LRP1B: variants seen among roughly 807,000 people sequenced by gnomAD.
LRP1B encodes the protein low-density lipoprotein receptor-related protein 1B.
Under a neutral mutation model 556.6 loss-of-function variants are expected in LRP1B, and 217 were observed. The ratio of observed to expected loss-of-function variants is 0.39; its 90% CI spans 0.35 to 0.44. LRP1B has a LOEUF of 0.44. LRP1B is among the 20% of genes least tolerant of loss of function. LRP1B has a pLI of 1.00. For missense variants in LRP1B, 5,053 were observed against 5,620.8 expected (o/e 0.90, Z 3.23); for synonymous variants, 2,047 against 1,865.8 (o/e 1.10, Z -2.50).
intron 7 of LRP1B, among the ~76,000 whole-genome samples, chr2:141,104,239 T>C (rs1408693887): frequency 1.3e-5 from 2 of 152,040 alleles, no homozygotes; most frequent in Admixed American, 6.6e-5. Context: ...TTATGGCATA[T>C]GTATCCCCTG....
At chr2:140,287,712 A>T (rs1266051332) in intron 84 of LRP1B, among the ~76,000 whole-genome samples, 1 of 151,380 alleles carries the variant, frequency 6.6e-6, no homozygotes, top group East Asian at 1.9e-4. Context: ...ATTACAGACT[A>T]AGTGGCTTCC....
chr2:141,858,320 A>G (rs769124404), intron 1 of LRP1B, among the ~76,000 whole-genome samples: 1 of 152,194 alleles, frequency 6.6e-6, no homozygotes, highest in Non-Finnish European at 1.5e-5. Flanking sequence ...TATAGAACCT[A>G]TTTATTAACA....
intron 3 of LRP1B, among the ~76,000 whole-genome samples, chr2:141,266,776 T>C (rs912827513): frequency 6.6e-6 from 1 of 152,224 alleles, no homozygotes; most frequent in East Asian, 1.9e-4. Context: ...AATTAAAATA[T>C]AGCTACAAGG....
chr2:140,449,912 G>A (rs1378438552), intron 63 of LRP1B, among the ~76,000 whole-genome samples: 2 of 152,142 alleles, frequency 1.3e-5, no homozygotes, highest in African/African-American at 4.8e-5. Flanking sequence ...GACCTATGGA[G>A]TGAAGTACAA....
At chr2:142,058,264 C>T (rs1704753705) in intron 1 of LRP1B, among the ~76,000 whole-genome samples, 1 of 152,088 alleles carries the variant, frequency 6.6e-6, no homozygotes, top group Admixed American at 6.6e-5. Flanking sequence ...CTGGGATTTG[C>T]ACTTAAAGTG....
intron 3 of LRP1B, among the ~76,000 whole-genome samples, chr2:141,287,957 T>C (rs1685783805): frequency 6.6e-6 from 1 of 152,180 alleles, no homozygotes; most frequent in South Asian, 2.1e-4. Context: ...ATCTCACATA[T>C]GTATATATAA....
chr2:140,581,529 G>A (rs1242331106), intron 43 of LRP1B, among the ~76,000 whole-genome samples: 1 of 149,514 alleles, frequency 6.7e-6, no homozygotes, highest in Non-Finnish European at 1.5e-5. Context: ...TCTGAACTGA[G>A]ATAAATGTCT....
At chr2:140,598,599 C>A (rs778818651) in intron 43 of LRP1B, 32 bp downstream of exon 43, 1 of 1,516,432 alleles carries the variant, frequency 6.6e-7, no homozygotes. Flanking sequence ...CATTGTATAA[C>A]TCTATAACCA....
intron 18 of LRP1B, among the ~76,000 whole-genome samples, chr2:140,964,187 C>T (rs964500922): frequency 6.6e-6 from 1 of 152,246 alleles, no homozygotes; most frequent in African/African-American, 2.4e-5. Context: ...ATTATTTCTG[C>T]ATATCAGGGA....
chr2:141,829,974 G>T (rs1195140410), intron 1 of LRP1B, among the ~76,000 whole-genome samples: 1 of 151,846 alleles, frequency 6.6e-6, no homozygotes, highest in African/African-American at 2.4e-5. Context: ...ATGTTGGGAA[G>T]TGTGTGGAAA....
chr2:141,530,694 A>G (rs887532636), intron 2 of LRP1B, among the ~76,000 whole-genome samples: 2 of 152,136 alleles, frequency 1.3e-5, no homozygotes, highest in Non-Finnish European at 2.9e-5. Flanking sequence ...AGATTATCAG[A>G]AAATGATCTG....
intron 4 of LRP1B, among the ~76,000 whole-genome samples, chr2:141,250,045 G>A (rs1010107658): frequency 6.6e-6 from 1 of 152,132 alleles, no homozygotes; most frequent in Admixed American, 6.6e-5. Context: ...AAAATGAAGA[G>A]GGGAGCAAAA....
intron 3 of LRP1B, among the ~76,000 whole-genome samples, chr2:141,408,065 T>G (rs1690704922): frequency 6.6e-6 from 1 of 152,058 alleles, no homozygotes; most frequent in African/African-American, 2.4e-5. Context: ...TCTTTACATC[T>G]GCACAACCTT....
rs2105089816 is a variant in LRP1B at position 141,480,419 on chromosome 2, T to C, written c.320A>G (p.Tyr107Cys). 6.2e-7 allele frequency: 1 copy of C among 1,613,962 alleles called. No homozygotes were observed. Among genetic ancestry groups the C allele is most frequent in the Non-Finnish European group, 8.5e-7 (1 of 1,179,918 alleles). The change falls in exon 3 of 91, where the codon TAT becomes TGT. Residue 107 changes from tyrosine to cysteine, a missense_variant. By Grantham distance (194) the Tyr-to-Cys change is radical. Around this residue, in one of 5 missense-constraint regions of LRP1B, gnomAD observed 3,619 missense variants for 3,931.9 expected, o/e 0.92. Transcript: ENST00000389484. ...ACCCTGACAATGTACTCCTTCGTCA[T>C]ACCCATCTGGGCAGTCCAAGACACC... ...CNGVLDCPDG[Y>C]DEGVHCQELL...
At chr2:140,972,519 G>A (rs967971895) in intron 18 of LRP1B, among the ~76,000 whole-genome samples, 1 of 152,044 alleles carries the variant, frequency 6.6e-6, no homozygotes, top group African/African-American at 2.4e-5. Context: ...TATCAAAGAA[G>A]TAATGAAACA....
At chr2:140,773,115 C>CA (rs1053244606) in intron 33 of LRP1B, among the ~76,000 whole-genome samples, 1 of 151,102 alleles carries the variant, frequency 6.6e-6, no homozygotes, top group African/African-American at 2.4e-5. Flanking sequence ...AACAAACAAA[C>CA]AAAAAACAAG....
intron 2 of LRP1B, among the ~76,000 whole-genome samples, chr2:141,618,623 A>C (rs1054883609): frequency 6.6e-6 from 1 of 152,216 alleles, no homozygotes; most frequent in African/African-American, 2.4e-5. Flanking sequence ...TCCAGAAAGT[A>C]AGTCAGGATG....
chr2:140,490,816 C>G (rs1052864254), intron 57 of LRP1B, among the ~76,000 whole-genome samples: 2 of 152,036 alleles, frequency 1.3e-5, no homozygotes, highest in African/African-American at 4.8e-5. Context: ...CAATGGGCAC[C>G]ATTATCAATT....
rs919444396 is a variant in LRP1B at position 141,940,255 on chromosome 2, G to T, written c.83-129854C>A. 5.3e-5 allele frequency among the ~76,000 whole-genome samples: 8 copies of T among 152,214 alleles called. No individual in the cohort carries two copies. In the East Asian group the frequency reaches 1.5e-3, roughly 29 times the overall value. ...TATCTTGAATATTTAGAATTCAACA[G>T]CTCTCTGTGCAATGCCACTGTACAA... On this transcript the variant is annotated intron_variant, in intron 1 of 90. Transcript: ENST00000389484.
Sources: allele counts gnomAD v4.1 joint callset (sites outside exome capture counted in the v4.1 genomes callset), GRCh38; gene constraint gnomAD v4.1.1; regional missense constraint gnomAD v4.1.1; transcripts MANE v1.5; gene names NCBI Gene and HGNC (gene_info 2026-07-23, HGNC 2026-07-21).